TNRC18: variants seen among roughly 807,000 people sequenced by gnomAD.
TNRC18 encodes trinucleotide repeat containing 18, also known as trinucleotide repeat-containing gene 18 protein.
In TNRC18, 69 loss-of-function variants were observed where a neutral mutation model predicts 226.7. The observed-to-expected ratio is 0.30, with a 90% CI of 0.25 to 0.37. TNRC18 has a LOEUF of 0.37. Among genes scored for constraint, TNRC18 ranks in the 10% least tolerant of loss-of-function variants. The pLI, the probability that TNRC18 is intolerant of heterozygous loss-of-function variation, is 1.00. For missense variants in TNRC18, 4,754 were observed against 4,256.6 expected (o/e 1.12, Z -3.25); for synonymous variants, 2,449 against 1,927.6 (o/e 1.27, Z -7.09).
intron 19 of TNRC18, among the ~76,000 whole-genome samples, chr7:5,327,693 C>G (rs1162507910): frequency 6.6e-6 from 1 of 152,112 alleles, no homozygotes; most frequent in Non-Finnish European, 1.5e-5. Flanking sequence ...GTAACTGTTT[C>G]TTTCCCTTTG....
chr7:5,348,306 G>C (rs1177634737), intron 17 of TNRC18, among the ~76,000 whole-genome samples: 3 of 152,220 alleles, frequency 2.0e-5, no homozygotes, highest in Non-Finnish European at 2.9e-5. Flanking sequence ...ACGGACCAGA[G>C]TGCTGGGAGC....
chr7:5,315,610 G>A (rs1358472636), intron 25 of TNRC18, among the ~76,000 whole-genome samples: 1 of 152,154 alleles, frequency 6.6e-6, no homozygotes, highest in Non-Finnish European at 1.5e-5. Context: ...TTTTAATAGA[G>A]ACAGGGTTTC....
chr7:5,413,040 C>G (rs948382048), intron 2 of TNRC18, among the ~76,000 whole-genome samples: 3 of 152,210 alleles, frequency 2.0e-5, no homozygotes, highest in African/African-American at 7.2e-5. Context: ...GGTAAGGACC[C>G]TGGCCCTGAC....
chr7:5,421,924 A>G (rs1212907687), intron 1 of TNRC18, among the ~76,000 whole-genome samples: 1 of 152,256 alleles, frequency 6.6e-6, no homozygotes, highest in African/African-American at 2.4e-5. Context: ...ACACTCTGGC[A>G]CTATCTGATC....
Position 5,313,187 on chromosome 7 carries a change from ACTGCTGCCACTACTGCTGCTGCTG to A in TNRC18, c.7680_7703del (p.Gly2566_Ser2573del), listed in dbSNP as rs759989411. On this transcript the variant is annotated inframe_deletion, in exon 27 of 30. Transcript: ENST00000430969. Reference sequence around the variant, plus strand: ...TGCTGCTGCTGCTGCTGCTGCTGCTACTGCTGCCACTACTGCTGCTGCTGCTGCTCTCGGACTCTTCGGCCCCGT... The same window carrying A: ...TGCTGCTGCTGCTGCTGCTGCTGCTACTGCTCTCGGACTCTTCGGCCCCGT... The A allele has an allele frequency of 6.5e-7, 1 of 1,535,362 alleles. No homozygotes were observed. Among genetic ancestry groups the A allele is most frequent in the Non-Finnish European group, 8.8e-7 (1 of 1,139,348 alleles).
intron 2 of TNRC18, among the ~76,000 whole-genome samples, chr7:5,398,801 T>C (rs1271647647): frequency 6.7e-6 from 1 of 149,992 alleles, no homozygotes; most frequent in Admixed American, 6.7e-5. Flanking sequence ...TCTTTCTCTT[T>C]TTTGTAGAGA....
chr7:5,421,135 A>G lies in TNRC18; in HGVS notation c.112T>C (p.Leu38=). The part of the protein sequence containing the change: ...HRVGAATAGR[L]PASGLPGPLP... ...GGGCCGGGCAAGCCCGAGGCGGGCA[A>G]GCGTCCGGCAGTGGCCGCGCCCACG... The change falls in exon 2 of 30, where the codon TTG becomes CTG. Residue 38 remains leucine, a synonymous_variant. Transcript: ENST00000430969. The G allele has an allele frequency of 6.9e-7, 1 of 1,440,214 alleles. No individual in the cohort carries two copies. The highest frequency in any genetic ancestry group is 1.5e-5 in the South Asian group (1 of 68,312). 89.2% of individuals were successfully genotyped at this position (1,440,214 alleles called of 1,614,324 possible). A position where few individuals can be genotyped will look rare whatever the true frequency, so the allele number is the denominator to read the frequency against.
chr7:5,400,431 G>C (rs1331994446), intron 2 of TNRC18, among the ~76,000 whole-genome samples: 1 of 151,972 alleles, frequency 6.6e-6, no homozygotes, highest in Non-Finnish European at 1.5e-5. Context: ...CCAACATGGT[G>C]AAACTCCGTC....
chr7:5,399,839 A>G (rs565832607), intron 2 of TNRC18, among the ~76,000 whole-genome samples: 2 of 152,206 alleles, frequency 1.3e-5, no homozygotes, highest in East Asian at 3.9e-4. Context: ...AGCCTGGCCA[A>G]CATGGCGAAA....
At chr7:5,348,182 G>A (rs1014492103) in intron 17 of TNRC18, among the ~76,000 whole-genome samples, 2 of 152,172 alleles carry the variant, frequency 1.3e-5, no homozygotes, top group Non-Finnish European at 2.9e-5. Context: ...TCTTGAGGCA[G>A]ACACTTGCTT....
chr7:5,312,391 C>A lies in TNRC18; in HGVS notation c.8388+112G>T. 1.4e-6 allele frequency: 2 copies of A among 1,442,340 alleles called. No homozygotes were observed. The highest frequency in any genetic ancestry group is 1.8e-6 in the Non-Finnish European group (2 of 1,097,630). The allele number at this position is 1,442,340 out of a possible 1,614,324, so 89.3% of individuals were successfully genotyped here. ...TAAAGTGGGACGCCAGCCCTCCACC[C>A]TGGGGTTCTGGGAGGTTACCACACA... On this transcript the variant is annotated intron_variant, in intron 27 of 29. Transcript: ENST00000430969. This position sits in a 1 kb window ranked among gnomAD's most constrained non-coding sequence, Gnocchi z 6.3.
intron 18 of TNRC18, among the ~76,000 whole-genome samples, chr7:5,345,148 G>A (rs961051701): frequency 6.6e-6 from 1 of 152,138 alleles, no homozygotes; most frequent in Non-Finnish European, 1.5e-5. Context: ...CTACCGTGAC[G>A]TGGCTGTTCC....
chr7:5,407,805 C>T (rs1781577574), intron 2 of TNRC18, among the ~76,000 whole-genome samples: 1 of 152,140 alleles, frequency 6.6e-6, no homozygotes, highest in Non-Finnish European at 1.5e-5. Context: ...GACTGGTTTC[C>T]CCCCTACCGA....
At chr7:5,412,244 GAAAAA>G (rs55864404) in intron 2 of TNRC18, among the ~76,000 whole-genome samples, 116 of 71,880 alleles carry the variant, frequency 1.6e-3, no homozygotes, top group African/African-American at 3.5e-3. Flanking sequence ...AATTCCAAAT[GAAAAA>G]AAAAAAAAAA....
At chr7:5,414,161 G>A (rs545915161) in intron 2 of TNRC18, among the ~76,000 whole-genome samples, 2 of 151,582 alleles carry the variant, frequency 1.3e-5, no homozygotes, top group African/African-American at 2.4e-5. Flanking sequence ...TGGCCAGGCT[G>A]GTCTCGAACT....
rs1222889774 is a variant in TNRC18 at position 5,371,195 on chromosome 7, G to A, written c.3399C>T (p.Ile1133=). The A allele has an allele frequency of 1.2e-6, 2 of 1,605,414 alleles. No individual in the cohort carries two copies. The highest frequency in any genetic ancestry group is 1.1e-5 in the South Asian group (1 of 90,722). The part of the protein sequence containing the change: ...RLALSPEDKP[I]RLSPSKITEP... ...CTGTGATCTTGGAGGGGGACAAGCG[G>A]ATGGGCTTGTCTTCGGGTGAGAGTG... The change falls in exon 11 of 30, where the codon ATC becomes ATT. Residue 1133 remains isoleucine (I), a synonymous_variant. Coordinates refer to ENST00000430969, the MANE Select transcript of TNRC18 (RefSeq NM_001080495.3).
intron 18 of TNRC18, among the ~76,000 whole-genome samples, chr7:5,333,660 G>C (rs1789793384): frequency 6.6e-6 from 1 of 152,188 alleles, no homozygotes; most frequent in Non-Finnish European, 1.5e-5. Flanking sequence ...CAGCCTCTGA[G>C]CACAGCCACC....
chr7:5,343,882 G>C (rs541710933), intron 18 of TNRC18, among the ~76,000 whole-genome samples: 1 of 152,328 alleles, frequency 6.6e-6, no homozygotes, highest in East Asian at 1.9e-4. Context: ...TTCGCTTTAT[G>C]GTTTGGAAGC....
intron 11 of TNRC18, among the ~76,000 whole-genome samples, chr7:5,364,574 C>T (rs149698388): frequency 0.017 from 2,543 of 151,488 alleles, 76 homozygotes; most frequent in African/African-American, 0.059. Flanking sequence ...GAGGCCGAGG[C>T]GGGTGGATGG....
Sources: gnomAD v4.1 joint callset for allele counts (sites outside exome capture counted in the v4.1 genomes callset) on GRCh38, gnomAD v4.1.1 for gene constraint, Gnocchi (gnomAD v3.1) non-coding constraint, MANE v1.5 for transcripts, NCBI Gene and HGNC (gene_info 2026-07-23, HGNC 2026-07-21) for gene names.